Variants in NOL11 observed in about 807,000 individuals in gnomAD.
NOL11 encodes the protein nucleolar protein 11.
A neutral mutation model predicts 93.0 loss-of-function variants in NOL11; 42 were observed. The observed-to-expected ratio is 0.45, with a 90% CI of 0.35 to 0.58. The LOEUF (loss-of-function observed/expected upper bound fraction) is 0.58. NOL11 is among the 20% of genes least tolerant of loss of function. The pLI is 0.00. For missense variants in NOL11, 775 were observed against 841.8 expected (o/e 0.92, Z 0.98); for synonymous variants, 296 against 293.7 (o/e 1.01, Z -0.08).
At chr17:67,720,300 CTT>C (rs766269065) in intron 3 of NOL11, 50 of 132,432 alleles carry the variant, frequency 3.8e-4, no homozygotes, top group South Asian at 7.2e-4. Flanking sequence ...GTGTATTGTA[CTT>C]TTTTTTTTTT....
rs776923716 is a variant in NOL11 at position 67,726,623 on chromosome 17, A to G, written c.828A>G (p.Leu276=). The G allele has an allele frequency of 1.2e-6, 2 of 1,607,380 alleles. No individual in the cohort carries two copies. The highest frequency in any genetic ancestry group is 2.2e-5 in the South Asian group (2 of 89,688). The change falls in exon 7 of 18, where the codon CTA becomes CTG. Residue 276 remains leucine, a synonymous_variant. Transcript: ENST00000253247. ...TGGATCAGGATCACGTCGCAGTCCT[A>G]GGAAGTCCACTAGCAGCTTCTAAGG... ...TALDQDHVAV[L]GSPLAASKEC...
In NOL11 at chr17:67,717,974, G is replaced by C. The variant is rs752985253; in HGVS notation, c.27G>C (p.Thr9=). The C allele has an allele frequency of 3.1e-6, 5 of 1,614,228 alleles. No homozygotes were observed. The South Asian group carries it at 4.4e-5, about 14-fold the overall frequency. Residue 9 remains threonine (T), a synonymous_variant, in exon 1 of 18, where the codon ACG becomes ACC. Transcript: ENST00000253247. MAALEEEF[T]LSSVVLSAGP... ...TGGCAGCGCTGGAGGAAGAATTCAC[G>C]TTGTCTTCGGTAGTCCTGAGCGCCG...
Position 67,736,682 on chromosome 17 carries a change from C to T in NOL11, c.1071C>T (p.Ser357=). Residue 357 remains serine (S), a synonymous_variant, in exon 10 of 18, where the codon TCC becomes TCT. Coordinates refer to ENST00000253247, the MANE Select transcript of NOL11 (RefSeq NM_015462.5). Reference sequence around the variant, plus strand: ...TTTTCTTAGGAACTCATGTCGTGTCCCATTTTGTAAACTGGGAGACACCTC... The same window carrying T: ...TTTTCTTAGGAACTCATGTCGTGTCTCATTTTGTAAACTGGGAGACACCTC... ...HSQDPGTHVV[S]HFVNWETPQG... The T allele has an allele frequency of 6.2e-7, 1 of 1,609,958 alleles. No individual in the cohort carries two copies. The highest frequency in any genetic ancestry group is 1.1e-5 in the South Asian group (1 of 90,452).
intron 14 of NOL11, chr17:67,738,656 A>G: frequency 2.2e-6 from 1 of 452,044 alleles, no homozygotes; most frequent in African/African-American, 2.0e-5. Context: ...ACATGGCGAG[A>G]CCCCCATCTC....
rs1318388580 is a variant in NOL11, at chr17:67,737,655, C to G, written c.1366C>G (p.Leu456Val). ...ACCATCATTTTATCCCCGGAACTGT[C>G]TGATGCAGCTTATCCAAACGCATGT... ...AEPSFYPRNC[L>V]MQLIQTHVLS... Residue 456 changes from leucine (L) to valine (V), a missense_variant, in exon 12 of 18, where the codon CTG becomes GTG. This residue lies in a region of NOL11 where 416 missense variants were observed against 525.2 expected (regional missense o/e 0.79). Coordinates refer to ENST00000253247, the MANE Select transcript of NOL11 (RefSeq NM_015462.5). The G allele has an allele frequency of 1.4e-5, 22 of 1,613,888 alleles. No individual in the cohort carries two copies. The highest frequency in any genetic ancestry group is 1.9e-5 in the Non-Finnish European group (22 of 1,179,962).
Position 67,734,388 on chromosome 17 carries a change from A to G in NOL11, c.879A>G (p.Lys293=), listed in dbSNP as rs1013201637. Residue 293 remains lysine (K), a synonymous_variant, in exon 8 of 18, where the codon AAA becomes AAG. Transcript: ENST00000253247. ...AATGCCTCTCTGTATGGAACATAAAATTTCAAACACTACAGACTTCAAAAG... is the reference window on the plus strand; with the variant it reads ...AATGCCTCTCTGTATGGAACATAAAGTTTCAAACACTACAGACTTCAAAAG... ...SKECLSVWNI[K]FQTLQTSKEL... 1 of 1,608,582 alleles carries G rather than the reference A, an allele frequency of 6.2e-7. No individual in the cohort carries two copies. Among genetic ancestry groups the G allele is most frequent in the Admixed American group, 1.7e-5 (1 of 59,792 alleles).
At chr17:67,718,276 TA>T (rs2043191174) in intron 1 of NOL11, among the ~76,000 whole-genome samples, 188 bp downstream of exon 1, 1 of 152,172 alleles carries the variant, frequency 6.6e-6, no homozygotes, top group African/African-American at 2.4e-5. Context: ...TGTAAAGGCA[TA>T]TTTCCGACTT....
chr17:67,724,107 C>G lies in NOL11; in HGVS notation c.578C>G (p.Thr193Arg), dbSNP rs1344826677. 2 of 1,586,426 alleles carry G rather than the reference C, an allele frequency of 1.3e-6. No individual in the cohort carries two copies. Among genetic ancestry groups the G allele is most frequent in the South Asian group, 2.2e-5 (2 of 89,164 alleles). ...AACTCACGTATCTTAACCAAATATA[C>G]ACTCTTACTTGGACAAGACGAAAAC... ...MFNSRILTKY[T>R]LLLGQDENSV... The change falls in exon 6 of 18, where the codon ACA becomes AGA. Residue 193 changes from threonine to arginine, a missense_variant. Physicochemically the swap from Thr to Arg is moderately conservative, Grantham distance 71 (BLOSUM62 -1). Around this residue, in one of 2 missense-constraint regions of NOL11, gnomAD observed 359 missense variants for 316.5 expected, o/e 1.13. Coordinates refer to ENST00000253247, the MANE Select transcript of NOL11 (RefSeq NM_015462.5).
chr17:67,735,189 A>G lies in NOL11; in HGVS notation c.931-711A>G, dbSNP rs1461810828. On this transcript the variant is annotated intron_variant, in intron 8 of 17. Transcript: ENST00000253247. Reference sequence around the variant, plus strand: ...CCTTGTGAGTTTTTTTCTCCAGTGTATTTTCAGTGCTTAGCAAGGTGCACA... The same window carrying G: ...CCTTGTGAGTTTTTTTCTCCAGTGTGTTTTCAGTGCTTAGCAAGGTGCACA... Among the ~76,000 whole-genome samples, 6 of 152,138 alleles carry G rather than the reference A, an allele frequency of 3.9e-5. No individual in the cohort carries two copies. The East Asian group carries it at 9.6e-4, about 24-fold the overall frequency.
chr17:67,732,637 G>C (rs2055164584), intron 7 of NOL11, among the ~76,000 whole-genome samples: 1 of 151,832 alleles, frequency 6.6e-6, no homozygotes, highest in African/African-American at 2.4e-5. Flanking sequence ...GCAGTGGCAT[G>C]ATCTTGGCTT....
At chr17:67,728,859 C>T (rs2055124165) in intron 7 of NOL11, among the ~76,000 whole-genome samples, 1 of 152,112 alleles carries the variant, frequency 6.6e-6, no homozygotes, top group Admixed American at 6.5e-5. Context: ...CATCATTCTC[C>T]CATTGCCAGA....
In NOL11 at chr17:67,719,697, G is replaced by T; in HGVS notation, c.165G>T (p.Gly55=). 1.2e-6 allele frequency: 2 copies of T among 1,602,548 alleles called. No individual in the cohort carries two copies. Among genetic ancestry groups the T allele is most frequent in the South Asian group, 2.2e-5 (2 of 90,232 alleles). The change falls in exon 2 of 18, where the codon GGG becomes GGT. Residue 55 remains glycine (G), a synonymous_variant. Transcript: ENST00000253247. ...AGGTTTCTGATCAGAAACCCTTGGG[G>T]AGCTGGTCAGTGAAACAAGGTCAAA... ...LYKVSDQKPL[G]SWSVKQGQII...
chr17:67,722,516 T>A, intron 4 of NOL11, 64 bp from the exon 5 acceptor site: 1 of 1,522,082 alleles, frequency 6.6e-7, no homozygotes, highest in South Asian at 1.3e-5. Context: ...AAATTTTGAT[T>A]GATATGTGTC....
At chr17:67,728,326 T>C (rs2055118913) in intron 7 of NOL11, among the ~76,000 whole-genome samples, 1 of 152,166 alleles carries the variant, frequency 6.6e-6, no homozygotes, top group Admixed American at 6.5e-5. Context: ...GATTATCTCA[T>C]TATTTGTATC....
intron 16 of NOL11, among the ~76,000 whole-genome samples, chr17:67,742,377 A>G (rs917193033): frequency 6.6e-6 from 1 of 152,172 alleles, no homozygotes; most frequent in Non-Finnish European, 1.5e-5. Flanking sequence ...CCATATGTAT[A>G]TTGCATTTCC....
chr17:67,737,872 G>C lies in NOL11; in HGVS notation c.1429G>C (p.Ala477Pro). The C allele has an allele frequency of 6.2e-7, 1 of 1,612,608 alleles. No homozygotes were observed. The highest frequency in any genetic ancestry group is 8.5e-7 in the Non-Finnish European group (1 of 1,179,688). Residue 477 changes from alanine (A) to proline (P), a missense_variant, in exon 13 of 18, where the codon GCC (alanine) becomes CCC (proline). Coordinates refer to ENST00000253247, the MANE Select transcript of NOL11 (RefSeq NM_015462.5). ...TTTGTGCCCCGACTTAATGGAGATTGCCTTAAAAAAGAAAGATGTACAGTT... is the reference window on the plus strand; with the variant it reads ...TTTGTGCCCCGACTTAATGGAGATTCCCTTAAAAAAGAAAGATGTACAGTT... Reference protein sequence around the residue: ...YSLCPDLMEIALKKKDVQLLQ... With the variant: ...YSLCPDLMEIPLKKKDVQLLQ...
At chr17:67,718,111 CG>C (rs1348384583) in intron 1 of NOL11, 23 bp downstream of exon 1, 1 of 1,605,168 alleles carries the variant, frequency 6.2e-7, no homozygotes, top group Admixed American at 1.7e-5. Context: ...GGTTTGGGAG[CG>C]CCCCGACTGC....
chr17:67,722,583 G>T lies in NOL11; in HGVS notation c.465G>T (p.Trp155Cys). Reference sequence around the variant, plus strand: ...TTTCTTTTTTCTTTTTTTGTAGATGGACAAAGTTTTTCGTAGTATTCAGAC... The same window carrying T: ...TTTCTTTTTTCTTTTTTTGTAGATGTACAAAGTTTTTCGTAGTATTCAGAC... Reference protein sequence around the residue: ...TVISDEEVIKWTKFFVVFRHP... With the variant: ...TVISDEEVIKCTKFFVVFRHP... The change falls in exon 5 of 18, where the codon TGG becomes TGT. Residue 155 changes from tryptophan to cysteine, a missense_variant. Coordinates refer to ENST00000253247, the MANE Select transcript of NOL11 (RefSeq NM_015462.5). 1 of 1,568,158 alleles carries T rather than the reference G, an allele frequency of 6.4e-7. No homozygotes were observed. Among genetic ancestry groups the T allele is most frequent in the Non-Finnish European group, 8.6e-7 (1 of 1,165,350 alleles).
Position 67,737,140 on chromosome 17 carries a change from A to G in NOL11, c.1213A>G (p.Ile405Val), listed in dbSNP as rs1337686577. The change falls in exon 11 of 18, where the codon ATA becomes GTA. Residue 405 changes from isoleucine (I) to valine (V), a missense_variant. Around this residue, in one of 2 missense-constraint regions of NOL11, gnomAD observed 416 missense variants for 525.2 expected, o/e 0.79. Coordinates refer to ENST00000253247, the MANE Select transcript of NOL11 (RefSeq NM_015462.5). ...ACCATCCAAACAACTTTTGTCAACC[A>G]TAATGGTAAATAAATAATATTGAAA... The part of the protein sequence containing the change: ...VPPSKQLLST[I>V]MKDSEKHIEV... 3.2e-6 allele frequency: 5 copies of G among 1,577,756 alleles called. No individual in the cohort carries two copies. Among genetic ancestry groups the G allele is most frequent in the Admixed American group, 1.7e-5 (1 of 59,612 alleles).
Sources: allele counts gnomAD v4.1 joint callset (sites outside exome capture counted in the v4.1 genomes callset), GRCh38; gene constraint gnomAD v4.1.1; regional missense constraint gnomAD v4.1.1; transcripts MANE v1.5; gene names NCBI Gene and HGNC (gene_info 2026-07-23, HGNC 2026-07-21).